The following KLF17 variants were observed in gnomAD, a reference collection of about 807,000 sequenced individuals.
KLF17 encodes the protein Krueppel-like factor 17.
A neutral mutation model predicts 34.2 loss-of-function variants in KLF17; 31 were observed. The ratio of observed to expected loss-of-function variants is 0.91; its 90% CI spans 0.68 to 1.22. The LOEUF is 1.22. Ranked by LOEUF, KLF17 falls within the 50% of genes most tolerant of loss-of-function variation. The pLI is 0.00. For missense variants in KLF17, 478 were observed against 505.2 expected (o/e 0.95, Z 0.52); for synonymous variants, 179 against 186.7 (o/e 0.96, Z 0.34).
the KLF17 span, chr1:44,103,252 C>T: frequency 8.8e-6 from 6 of 682,046 alleles, no homozygotes; most frequent in East Asian, 2.6e-5. Context: ...GCCTCCCTCC[C>T]GGACTCTGGG....
At chr1:44,127,718 T>TTTCTTTC (rs1557732130) in intron 1 of KLF17, among the ~76,000 whole-genome samples, 9 of 108,624 alleles carry the variant, frequency 8.3e-5, no homozygotes, top group African/African-American at 3.9e-4. Context: ...CTTTCTTCTC[T>TTTCTTTC]TTTCTTTCTT....
At chr1:44,090,719 G>A in the KLF17 span, among the ~76,000 whole-genome samples, 16 of 152,172 alleles carry the variant, frequency 1.1e-4, no homozygotes, top group East Asian at 1.4e-3. Flanking sequence ...CAGAAAAGTC[G>A]CGCTTCTGGG....
rs372088384 is a variant in KLF17 at position 44,130,793 on chromosome 1, C to T, written c.*37C>T. ...CTCCTCATTCTGGGTTTTCTTTTTCCTTTTTTCCTTTTTATTTTTTTGAGA... is the reference window on the plus strand; with the variant it reads ...CTCCTCATTCTGGGTTTTCTTTTTCTTTTTTTCCTTTTTATTTTTTTGAGA... On this transcript the variant is annotated intron_variant, in intron 3 of 3. Coordinates refer to ENST00000372299, the MANE Select transcript of KLF17 (RefSeq NM_173484.4). 701 of 1,601,696 alleles carry T rather than the reference C, an allele frequency of 4.4e-4. 1 individual carries two copies. The African/African-American group carries it at 8.6e-3, about 20-fold the overall frequency.
the KLF17 span, among the ~76,000 whole-genome samples, chr1:44,113,546 A>G: frequency 6.6e-6 from 1 of 152,132 alleles, no homozygotes; most frequent in Non-Finnish European, 1.5e-5. Context: ...GGGAAGGCAT[A>G]AGACAGGTAG....
chr1:44,125,964 T>C (rs1258351123), intron 1 of KLF17, among the ~76,000 whole-genome samples: 1 of 152,196 alleles, frequency 6.6e-6, no homozygotes, highest in East Asian at 1.9e-4. Context: ...AAACAGCAAA[T>C]AACAATCAGG....
At chr1:44,064,770 T>C in the KLF17 span, among the ~76,000 whole-genome samples, 1 of 152,258 alleles carries the variant, frequency 6.6e-6, no homozygotes, top group African/African-American at 2.4e-5. Context: ...CTTTGCTTTA[T>C]ATGCCAAAAT....
the KLF17 span, among the ~76,000 whole-genome samples, chr1:44,111,463 G>GGGTTTTTTTTTTTTTTTTTTTTTTT: frequency 1.1e-5 from 1 of 90,476 alleles, no homozygotes; most frequent in Admixed American, 1.3e-4. Context: ...TTTGCAACTT[G>GGGTTTTTTTTTTTTTTTTTTTTTTT]TTTTTTTTTT....
the KLF17 span, among the ~76,000 whole-genome samples, chr1:44,085,249 C>A: frequency 6.6e-6 from 1 of 152,044 alleles, no homozygotes; most frequent in Non-Finnish European, 1.5e-5. Context: ...AGAAAGCAAA[C>A]AAGGTACAGA....
chr1:44,054,779 CTTT>C, the KLF17 span, among the ~76,000 whole-genome samples: 14 of 97,190 alleles, frequency 1.4e-4, no homozygotes, highest in East Asian at 3.1e-4. Flanking sequence ...CCGTGCCCAG[CTTT>C]TTTTTTTTTT....
At chr1:44,127,610 CTTTCT>C (rs768363404) in intron 1 of KLF17, among the ~76,000 whole-genome samples, 1,329 of 89,414 alleles carry the variant, frequency 0.015, 13 homozygotes, top group Non-Finnish European at 0.023. Context: ...CCCTTTCTTT[CTTTCT>C]TTTCTTTTCT....
chr1:44,087,767 TATACACAC>T, the KLF17 span, among the ~76,000 whole-genome samples: 49 of 53,418 alleles, frequency 9.2e-4, no homozygotes, highest in South Asian at 3.9e-3. Context: ...TATATATATA[TATACACAC>T]ACACACACAC....
At chr1:44,067,707 G>A in the KLF17 span, among the ~76,000 whole-genome samples, 1 of 152,178 alleles carries the variant, frequency 6.6e-6, no homozygotes, top group South Asian at 2.1e-4. Flanking sequence ...TTGAGAATAT[G>A]TGATTATTTA....
At chr1:44,110,326 T>C in the KLF17 span, 1 of 152,186 alleles carries the variant, frequency 6.6e-6, no homozygotes, top group African/African-American at 2.4e-5. Flanking sequence ...GTGACCCATG[T>C]TTGAGCATTC....
the KLF17 span, among the ~76,000 whole-genome samples, chr1:44,095,103 G>T: frequency 6.7e-6 from 1 of 149,898 alleles, no homozygotes; most frequent in African/African-American, 2.4e-5. Flanking sequence ...GGGTTTCACT[G>T]TGTTAGCCAG....
chr1:44,047,232 G>A, the KLF17 span, among the ~76,000 whole-genome samples: 2 of 152,166 alleles, frequency 1.3e-5, no homozygotes, highest in Admixed American at 6.5e-5. Flanking sequence ...TCTTTGCAAA[G>A]GGTTGCCCAT....
chr1:44,121,830 A>G (rs2087949100), intron 1 of KLF17, among the ~76,000 whole-genome samples: 1 of 152,190 alleles, frequency 6.6e-6, no homozygotes, highest in African/African-American at 2.4e-5. Context: ...TGATACTTGT[A>G]TTAAGGTAGC....
At chr1:44,073,197 CTTCTTCTTCTTCT>C in the KLF17 span, among the ~76,000 whole-genome samples, 1 of 120,078 alleles carries the variant, frequency 8.3e-6, no homozygotes, top group Non-Finnish European at 1.8e-5. Context: ...GAGGTTTCTT[CTTCTTCTTCTTCT>C]TTTTTTTTTT....
the KLF17 span, among the ~76,000 whole-genome samples, chr1:44,090,631 G>C: frequency 6.6e-6 from 1 of 152,044 alleles, no homozygotes; most frequent in African/African-American, 2.4e-5. Flanking sequence ...GAAACAACAC[G>C]AAAACGAATC....
the KLF17 span, among the ~76,000 whole-genome samples, chr1:44,098,270 C>T: frequency 6.6e-6 from 1 of 152,120 alleles, no homozygotes; most frequent in Admixed American, 6.6e-5. Context: ...ATAATAGTCT[C>T]TAATGACTCT....
Sources: gnomAD v4.1 joint callset for allele counts (sites outside exome capture counted in the v4.1 genomes callset) on GRCh38, gnomAD v4.1.1 for gene constraint, MANE v1.5 for transcripts, NCBI Gene and HGNC (gene_info 2026-07-23, HGNC 2026-07-21) for gene names.